Variants in ANKFN1 observed in about 807,000 individuals in gnomAD.
ANKFN1 encodes the protein ankyrin repeat and fibronectin type-III domain-containing protein 1.
In ANKFN1, 74 loss-of-function variants were observed where a neutral mutation model predicts 108.7. The ratio of observed to expected loss-of-function variants is 0.68; its 90% confidence interval spans 0.56 to 0.83. The LOEUF (loss-of-function observed/expected upper bound fraction) is 0.83, where lower values mean the gene tolerates loss of function less well. ANKFN1 is among the 40% of genes least tolerant of loss of function. The pLI is 0.00. For synonymous variants in ANKFN1, 547 were observed against 516.2 expected (o/e 1.06, Z -0.81); for missense variants, 1,505 against 1,382.3 (o/e 1.09, Z -1.41).
At chr17:56,419,805 T>C (rs1293862396) in intron 8 of ANKFN1, among the ~76,000 whole-genome samples, 1 of 110,094 alleles carries the variant, frequency 9.1e-6, no homozygotes, top group African/African-American at 5.7e-5. Flanking sequence ...AAAGAGACCC[T>C]GTCTCAAAAA....
rs565872414 is a variant in ANKFN1, at chr17:56,284,479, T to C, written c.54-41742T>C. On this transcript the variant is annotated intron_variant, in intron 3 of 20. Coordinates refer to ENST00000682825, the MANE Select transcript of ANKFN1 (RefSeq NM_001370326.1). Reference sequence around the variant, plus strand: ...GTAAAATGTTTCCTATCAGGGCTAATGATTTCCAATTTATAGTGATTGAAT... The same window carrying C: ...GTAAAATGTTTCCTATCAGGGCTAACGATTTCCAATTTATAGTGATTGAAT... Among the ~76,000 whole-genome samples, 30 of 152,342 alleles carry C rather than the reference T, an allele frequency of 2.0e-4. 2 individuals are homozygous for C. The South Asian group carries it at 6.2e-3, about 32-fold the overall frequency.
chr17:56,212,004 A>T (rs1399801966), intron 1 of ANKFN1, among the ~76,000 whole-genome samples: 1 of 152,004 alleles, frequency 6.6e-6, no homozygotes, highest in Non-Finnish European at 1.5e-5. Context: ...TTTCTGGATG[A>T]GTCTTTAGGG....
chr17:56,238,242 A>G (rs979801626), intron 3 of ANKFN1, among the ~76,000 whole-genome samples: 2 of 152,108 alleles, frequency 1.3e-5, no homozygotes, highest in Non-Finnish European at 2.9e-5. Context: ...AGGAGAATGT[A>G]TATTCTGTTG....
chr17:56,291,017 A>G (rs962536773), intron 3 of ANKFN1, among the ~76,000 whole-genome samples: 4 of 152,188 alleles, frequency 2.6e-5, no homozygotes, highest in Non-Finnish European at 5.9e-5. Context: ...AAGAAAGGCA[A>G]TATCTCAAAA....
chr17:56,407,135 A>C (rs1304255227), intron 8 of ANKFN1, among the ~76,000 whole-genome samples: 2 of 152,244 alleles, frequency 1.3e-5, no homozygotes, highest in African/African-American at 4.8e-5. Flanking sequence ...CTTGGAGGTA[A>C]GCATGGAACC....
chr17:56,110,793 A>G (rs1905918580), intron 4 of ANKFN1, among the ~76,000 whole-genome samples: 1 of 152,242 alleles, frequency 6.6e-6, no homozygotes, highest in African/African-American at 2.4e-5. Context: ...AAAAAGTCCT[A>G]ACCTAAAATG....
intron 15 of ANKFN1, 29 bp downstream of exon 15, chr17:56,466,600 T>G: frequency 2.2e-4 from 325 of 1,476,764 alleles, no homozygotes; most frequent in Non-Finnish European, 2.8e-4. Flanking sequence ...AATTCCCGGG[T>G]ATACTTAAGG....
At chr17:56,143,141 T>C (rs982042622) in intron 4 of ANKFN1, among the ~76,000 whole-genome samples, 3 of 152,140 alleles carry the variant, frequency 2.0e-5, no homozygotes, top group African/African-American at 7.2e-5. Context: ...AGTTTGGGGC[T>C]TTTTTATGTT....
intron 20 of ANKFN1, among the ~76,000 whole-genome samples, chr17:56,507,636 C>T (rs2145483378): frequency 6.6e-6 from 1 of 152,320 alleles, no homozygotes; most frequent in East Asian, 1.9e-4. Context: ...GATTCTACCA[C>T]CCAACCCAAA....
intron 8 of ANKFN1, among the ~76,000 whole-genome samples, chr17:56,418,908 G>A (rs1409712462): frequency 6.6e-6 from 1 of 152,108 alleles, no homozygotes; most frequent in Non-Finnish European, 1.5e-5. Context: ...GTAGAACTGA[G>A]GTGAGATTTC....
chr17:56,387,315 G>T (rs1206346280), intron 8 of ANKFN1, among the ~76,000 whole-genome samples: 1 of 151,982 alleles, frequency 6.6e-6, no homozygotes, highest in East Asian at 1.9e-4. Flanking sequence ...CCTGAGTACT[G>T]TTTTGTCCAT....
At chr17:56,127,193 A>T (rs1906987322) in intron 4 of ANKFN1, among the ~76,000 whole-genome samples, 1 of 152,182 alleles carries the variant, frequency 6.6e-6, no homozygotes, top group South Asian at 2.1e-4. Flanking sequence ...TGTTATCATG[A>T]TTTTGTAGAT....
chr17:56,234,187 A>AATTAGGTGT (rs1916942503), intron 3 of ANKFN1, among the ~76,000 whole-genome samples: 2 of 152,162 alleles, frequency 1.3e-5, no homozygotes, highest in African/African-American at 4.8e-5. Flanking sequence ...TGATGTCACT[A>AATTAGGTGT]AATGTGTAAT....
chr17:56,259,946 A>ACT (rs929168564), intron 3 of ANKFN1, among the ~76,000 whole-genome samples: 24 of 148,800 alleles, frequency 1.6e-4, no homozygotes, highest in African/African-American at 4.0e-4. Context: ...ACACACACAC[A>ACT]CTCTTTTCAA....
intron 3 of ANKFN1, among the ~76,000 whole-genome samples, chr17:56,322,395 G>T (rs2144514540): frequency 6.6e-6 from 1 of 152,158 alleles, no homozygotes; most frequent in East Asian, 1.9e-4. Context: ...CTGCTTCTGG[G>T]TTCTCACCAC....
At position 56,178,687 on chromosome 17, in the gene ANKFN1, C is replaced by T. The variant is rs184146571; in HGVS notation, c.-71+25157C>T. On this transcript the variant is annotated intron_variant, in intron 1 of 20. Transcript: ENST00000682825. ...CCTCAGGGTGGGCGGGAATGACATT[C>T]CAGGGGGCATGATGGTTTAGTTGAA... is the stretch of plus-strand genomic sequence containing the variant. Among the ~76,000 whole-genome samples the T allele has an allele frequency of 1.2e-3, 183 of 151,928 alleles. 1 individual carries two copies. Among genetic ancestry groups the T allele is most frequent in the Non-Finnish European group, 2.1e-3 (141 of 67,966 alleles).
chr17:56,177,978 A>G (rs1911328359), intron 1 of ANKFN1, among the ~76,000 whole-genome samples: 1 of 152,364 alleles, frequency 6.6e-6, no homozygotes, highest in Non-Finnish European at 1.5e-5. Flanking sequence ...TTATAAATGC[A>G]GAATAACTGC....
At chr17:56,269,368 C>G (rs1198148234) in intron 3 of ANKFN1, among the ~76,000 whole-genome samples, 1 of 152,180 alleles carries the variant, frequency 6.6e-6, no homozygotes, top group Non-Finnish European at 1.5e-5. Context: ...ATGTGTTCTG[C>G]AATTTACACA....
chr17:56,307,386 A>G (rs2044862076), intron 3 of ANKFN1, among the ~76,000 whole-genome samples: 1 of 151,718 alleles, frequency 6.6e-6, no homozygotes, highest in Non-Finnish European at 1.5e-5. Flanking sequence ...TACAAGAAAA[A>G]AACAAACAAC....
Sources: gnomAD v4.1 joint callset for allele counts (sites outside exome capture counted in the v4.1 genomes callset) on GRCh38, gnomAD v4.1.1 for gene constraint, MANE v1.5 for transcripts, NCBI Gene and HGNC (gene_info 2026-07-23, HGNC 2026-07-21) for gene names.